Variants in PRRT1 observed in about 807,000 individuals in gnomAD.
PRRT1 encodes proline-rich transmembrane protein 1.
In PRRT1, 8 loss-of-function variants were observed where a neutral mutation model predicts 22.6. The ratio of observed to expected loss-of-function variants is 0.35; its 90% confidence interval spans 0.21 to 0.64. The LOEUF (loss-of-function observed/expected upper bound fraction) is 0.64. Among genes scored for constraint, PRRT1 ranks in the 30% least tolerant of loss-of-function variants. The pLI is 0.69. For synonymous variants in PRRT1, 176 were observed against 203.6 expected (o/e 0.86, Z 1.15); for missense variants, 315 against 444.5 (o/e 0.71, Z 2.62).
At chr6:32,151,988 C>CGGG, upstream of PRRT1, 1 of 72,096 alleles carries the variant, frequency 1.4e-5, no homozygotes, top group South Asian at 5.7e-5. Flanking sequence ...GGAGGGAGAG[C>CGGG]GGGGAGGGGG....
chr6:32,150,255 C>G lies in PRRT1; in HGVS notation c.558+113G>C. On this transcript the variant is annotated intron_variant, in intron 2 of 3. Transcript: ENST00000211413. The surrounding 1 kb of genome is among the most constrained non-coding windows in gnomAD (Gnocchi z 7.2). The stretch of plus-strand genomic sequence containing the variant: ...CTTTCTAGGGCTTGTCCCGGGAACA[C>G]TACCTGTTCCCTGCCCTTGTTCCTC... The G allele has an allele frequency of 1.3e-5, 17 of 1,312,766 alleles. No homozygotes were observed. Among genetic ancestry groups the G allele is most frequent in the Non-Finnish European group, 1.7e-5 (17 of 993,702 alleles). 81.3% of individuals were successfully genotyped at this position (1,312,766 alleles called of 1,614,324 possible).
At position 32,148,963 on chromosome 6, in the gene PRRT1, A is replaced by G; in HGVS notation, c.*259T>C. The G allele has an allele frequency of 1.4e-6, 1 of 693,158 alleles. No individual in the cohort carries two copies. The highest frequency in any genetic ancestry group is 1.5e-5 in the South Asian group (1 of 66,654). The allele number at this position is 693,158 out of a possible 1,614,324, so 42.9% of individuals were successfully genotyped here. On this transcript the variant is annotated 3_prime_UTR_variant, in exon 4 of 4. Transcript: ENST00000211413. The surrounding 1 kb of genome is among the most constrained non-coding windows in gnomAD (Gnocchi z 5.7). The stretch of plus-strand genomic sequence containing the variant: ...ACACTTTGAGGGTGAGGGGGCCTGG[A>G]GCGACTGAGGGTCCGGCGTTTGGCC...
rs1783090529 is a variant in PRRT1, at chr6:32,148,678, A to C, written c.*544T>G. On this transcript the variant is annotated 3_prime_UTR_variant, in exon 4 of 4. Coordinates refer to ENST00000211413, the MANE Select transcript of PRRT1 (RefSeq NM_030651.4). This position sits in a 1 kb window ranked among gnomAD's most constrained non-coding sequence, Gnocchi z 5.7. ...ATACCTGGGTGGAGGAGGGACAAAA[A>C]TGTACTTGCAAAAAACAGGAGTGTG... 2.5e-6 allele frequency: 1 copy of C among 400,364 alleles called. No individual in the cohort carries two copies. The highest frequency in any genetic ancestry group is 2.1e-5 in the African/African-American group (1 of 47,752). The allele number at this position is 400,364 out of a possible 1,614,324, so 24.8% of individuals were successfully genotyped here.
At chr6:32,151,108 C>T in intron 1 of PRRT1, 1 of 704,080 alleles carries the variant, frequency 1.4e-6, no homozygotes, top group Non-Finnish European at 2.6e-6. Flanking sequence ...CTCCTTCTTC[C>T]TTCCAATCTA....
Position 32,149,721 on chromosome 6 carries a change from G to A in PRRT1, c.560C>T (p.Pro187Leu). 1.9e-6 allele frequency: 3 copies of A among 1,559,420 alleles called. No individual in the cohort carries two copies. The highest frequency in any genetic ancestry group is 2.6e-6 in the Non-Finnish European group (3 of 1,153,418). Residue 187 changes from proline (P) to leucine (L), a missense_variant and splice_region_variant, in exon 3 of 4, where the codon CCA becomes CTA. Transcript: ENST00000211413. This position sits in a 1 kb window ranked among gnomAD's most constrained non-coding sequence, Gnocchi z 8.7. ...TCCCCCCGGGGTCCCGCCTGCATAT[G>A]GCTGTGGAAGGAAATTTGGGGGGCA... is the stretch of plus-strand genomic sequence containing the variant. ...AYVPVYPVGT[P>L]YAGGTPGGTG...
chr6:32,149,071 C>T lies in PRRT1; in HGVS notation c.*151G>A. On this transcript the variant is annotated 3_prime_UTR_variant, in exon 4 of 4. Coordinates refer to ENST00000211413, the MANE Select transcript of PRRT1 (RefSeq NM_030651.4). This position sits in a 1 kb window ranked among gnomAD's most constrained non-coding sequence, Gnocchi z 8.7. ...CTGGATTCCGAGCTTGCTCGCAAGG[C>T]GAGACGTTCCGTGGAGGCGGAGTTT... 1 of 873,026 alleles carries T rather than the reference C, an allele frequency of 1.1e-6. No homozygotes were observed. Among genetic ancestry groups the T allele is most frequent in the Non-Finnish European group, 1.9e-6 (1 of 532,102 alleles). The allele number at this position is 873,026 out of a possible 1,614,324, so 54.1% of individuals were successfully genotyped here.
At chr6:32,152,307 C>T, upstream of PRRT1, 1 of 393,914 alleles carries the variant, frequency 2.5e-6, no homozygotes, top group Non-Finnish European at 5.0e-6. Context: ...GGTCGTCTCC[C>T]CCTCTTAGCT....
At position 32,148,966 on chromosome 6, in the gene PRRT1, G is replaced by T. The variant is rs1396033064; in HGVS notation, c.*256C>A. 1.4e-6 allele frequency: 1 copy of T among 694,700 alleles called. No individual in the cohort carries two copies. The highest frequency in any genetic ancestry group is 1.5e-5 in the South Asian group (1 of 66,676). 43.0% of individuals were successfully genotyped at this position (694,700 alleles called of 1,614,324 possible). The stretch of plus-strand genomic sequence containing the variant: ...CTTTGAGGGTGAGGGGGCCTGGAGC[G>T]ACTGAGGGTCCGGCGTTTGGCCGGG... On this transcript the variant is annotated 3_prime_UTR_variant, in exon 4 of 4. Transcript: ENST00000211413. The surrounding 1 kb of genome is among the most constrained non-coding windows in gnomAD (Gnocchi z 5.7).
Position 32,150,545 on chromosome 6 carries a change from G to A in PRRT1, c.381C>T (p.Pro127=). The A allele has an allele frequency of 7.3e-7, 1 of 1,363,818 alleles. No homozygotes were observed. The highest frequency in any genetic ancestry group is 9.4e-7 in the Non-Finnish European group (1 of 1,061,102). 84.5% of individuals were successfully genotyped at this position (1,363,818 alleles called of 1,614,324 possible). A position where few individuals can be genotyped will look rare whatever the true frequency, so the allele number is the denominator to read the frequency against. ...RFEGPLPPPP[P]AAAAPPPPAP... ...CCGGCGGGGGCGGGGCGGCGGCAGC[G>A]GGCGGCGGCGGGGGAAGTGGGCCCT... The change falls in exon 2 of 4, where the codon CCC becomes CCT. Residue 127 remains proline, a synonymous_variant. Transcript: ENST00000211413. The surrounding 1 kb of genome is among the most constrained non-coding windows in gnomAD (Gnocchi z 7.2).
upstream of PRRT1, among the ~76,000 whole-genome samples, chr6:32,152,537 A>G (rs2127381781): frequency 6.6e-6 from 1 of 152,114 alleles, no homozygotes; most frequent in East Asian, 1.9e-4. Context: ...AAAGGGAGAG[A>G]GAGTTTGGGC....
In PRRT1 at chr6:32,151,229, C is replaced by A. The variant is rs548569900; in HGVS notation, c.20-323G>T. On this transcript the variant is annotated intron_variant, in intron 1 of 3. Transcript: ENST00000211413. ...CTCCTTTGCTATAGCTGCCTTTGGG[C>A]TGGCCTATCCGAGCTAGTCCTGTGT... 1.3e-5 allele frequency: 8 copies of A among 606,294 alleles called. No individual in the cohort carries two copies. In the East Asian group the frequency reaches 1.8e-4, roughly 13 times the overall value. The allele number at this position is 606,294 out of a possible 1,614,324, so 37.6% of individuals were successfully genotyped here.
At position 32,149,953 on chromosome 6, in the gene PRRT1, G is replaced by A; in HGVS notation, c.559-231C>T. The A allele has an allele frequency of 1.8e-6, 1 of 557,728 alleles. No individual in the cohort carries two copies. Among genetic ancestry groups the A allele is most frequent in the South Asian group, 2.4e-5 (1 of 41,236 alleles). The allele number at this position is 557,728 out of a possible 1,614,324, so 34.5% of individuals were successfully genotyped here. On this transcript the variant is annotated intron_variant, in intron 2 of 3. Transcript: ENST00000211413. This position sits in a 1 kb window ranked among gnomAD's most constrained non-coding sequence, Gnocchi z 8.7. ...GGGCTTTCTACATTCTCTCCCGCAA[G>A]GTATGGTCCCACTGGGGCTGTCCTG...
Position 32,148,894 on chromosome 6 carries a change from C to A in PRRT1, c.*328G>T, listed in dbSNP as rs1490950003. The A allele has an allele frequency of 3.2e-6, 2 of 621,468 alleles. No homozygotes were observed. Among genetic ancestry groups the A allele is most frequent in the Non-Finnish European group, 6.0e-6 (2 of 333,594 alleles). 38.5% of individuals were successfully genotyped at this position (621,468 alleles called of 1,614,324 possible). A position where few individuals can be genotyped will look rare whatever the true frequency, so the allele number is the denominator to read the frequency against. On this transcript the variant is annotated 3_prime_UTR_variant, in exon 4 of 4. Coordinates refer to ENST00000211413, the MANE Select transcript of PRRT1 (RefSeq NM_030651.4). This position sits in a 1 kb window ranked among gnomAD's most constrained non-coding sequence, Gnocchi z 5.7. ...GCTGGGGCGGTGCTTATAGAGGAGG[C>A]GGGGTTTTAGGGACCAAACCGAGGT...
At chr6:32,151,240 G>T in intron 1 of PRRT1, 2 of 587,956 alleles carry the variant, frequency 3.4e-6, no homozygotes, top group Non-Finnish European at 6.1e-6. Flanking sequence ...TGGCCTATCC[G>T]AGCTAGTCCT....
At position 32,149,766 on chromosome 6, in the gene PRRT1, C is replaced by G; in HGVS notation, c.559-44G>C. The G allele has an allele frequency of 7.6e-7, 1 of 1,308,952 alleles. No individual in the cohort carries two copies. The highest frequency in any genetic ancestry group is 1.0e-6 in the Non-Finnish European group (1 of 965,762). 81.1% of individuals were successfully genotyped at this position (1,308,952 alleles called of 1,614,324 possible). A position where few individuals can be genotyped will look rare whatever the true frequency, so the allele number is the denominator to read the frequency against. The stretch of plus-strand genomic sequence containing the variant: ...GGGGCAGGGGCATCACTCTGACCCT[C>G]TCCCAGCCTACCAGCGTTGGGCGGC... On this transcript the variant is annotated intron_variant, in intron 2 of 3. Transcript: ENST00000211413. This position sits in a 1 kb window ranked among gnomAD's most constrained non-coding sequence, Gnocchi z 8.7.
At position 32,149,671 on chromosome 6, in the gene PRRT1, G is replaced by T. The variant is rs757558525; in HGVS notation, c.610C>A (p.Pro204Thr). The T allele has an allele frequency of 1.6e-5, 26 of 1,611,300 alleles. No individual in the cohort carries two copies. Among genetic ancestry groups the T allele is most frequent in the African/African-American group, 5.3e-5 (4 of 74,920 alleles). The stretch of plus-strand genomic sequence containing the variant: ...GCCAGCCCTGGGCCCTGGGGCGGCG[G>T]GGGGAGAGTGGAGGTCACTCCTGTT... ...GGTGVTSTLP[P>T]PPQGPGLALL... Residue 204 changes from proline to threonine, a missense_variant, in exon 3 of 4, where the codon CCG becomes ACG. Physicochemically the swap from Pro to Thr is conservative, Grantham distance 38. This residue lies in a region of PRRT1 where 263 missense variants were observed against 328.5 expected (regional missense o/e 0.80). Transcript: ENST00000211413. The surrounding 1 kb of genome is among the most constrained non-coding windows in gnomAD (Gnocchi z 8.7).
upstream of PRRT1, chr6:32,151,977 C>T (rs1214593048): frequency 9.0e-5 from 8 of 88,758 alleles, no homozygotes; most frequent in Non-Finnish European, 1.0e-4. Flanking sequence ...GGGGGGCGGG[C>T]GGAGGGAGAG....
upstream of PRRT1, chr6:32,151,997 G>GGGGT: frequency 2.6e-6 from 1 of 382,314 alleles, no homozygotes; most frequent in Non-Finnish European, 5.3e-6. Flanking sequence ...GCGGGGAGGG[G>GGGGT]GGGAGCTTAA....
chr6:32,152,470 A>C (rs951419967), upstream of PRRT1, among the ~76,000 whole-genome samples: 1 of 152,160 alleles, frequency 6.6e-6, no homozygotes, highest in African/African-American at 2.4e-5. Context: ...CTACCAACCT[A>C]GCAGTAAAGA....
Sources: allele counts gnomAD v4.1 joint callset (sites outside exome capture counted in the v4.1 genomes callset), GRCh38; gene constraint gnomAD v4.1.1; regional missense constraint gnomAD v4.1.1; non-coding constraint Gnocchi (gnomAD v3.1); transcripts MANE v1.5; gene names NCBI Gene and HGNC (gene_info 2026-07-23, HGNC 2026-07-21).